CHD5: variants seen among roughly 807,000 people sequenced by gnomAD.
The protein encoded by CHD5 is ATP-dependent chromatin remodeler CHD5.
CHD5 carries 69 observed loss-of-function variants against 230.3 expected under a neutral mutation model. That is an observed-to-expected ratio of 0.30 (90% confidence interval 0.25 to 0.37). The LOEUF is 0.37. CHD5 is among the 10% of genes least tolerant of loss of function. CHD5 has a pLI of 1.00. For synonymous variants in CHD5, 1,064 were observed against 1,065.9 expected, an observed-to-expected ratio of 1.00 and a Z score of 0.03; for missense variants, 1,827 against 2,622.8, an observed-to-expected ratio of 0.70 and a Z score of 6.63.
At chr1:6,163,906 C>T (rs946348618) in intron 2 of CHD5, among the ~76,000 whole-genome samples, 6 of 152,202 alleles carry the variant, frequency 3.9e-5, no homozygotes, top group Admixed American at 1.3e-4. Context: ...CTACAGGGGA[C>T]GCCCTACCAG....
intron 1 of CHD5, among the ~76,000 whole-genome samples, chr1:6,176,874 C>T (rs1411121122): frequency 1.3e-5 from 2 of 152,198 alleles, no homozygotes; most frequent in Non-Finnish European, 2.9e-5. Context: ...TGACCCCTGG[C>T]TTCAACCAGC....
chr1:6,175,138 GA>G (rs1339497099), intron 1 of CHD5, among the ~76,000 whole-genome samples: 1 of 151,286 alleles, frequency 6.6e-6, no homozygotes, highest in African/African-American at 2.4e-5. Flanking sequence ...TAGGTGGATG[GA>G]TGGATGGCAG....
intron 7 of CHD5, among the ~76,000 whole-genome samples, chr1:6,149,691 T>C (rs7554470): frequency 0.088 from 13,155 of 149,426 alleles, 665 homozygotes; most frequent in South Asian, 0.14. Flanking sequence ...AATGGATGGA[T>C]AGATGAATGG....
Position 6,102,111 on chromosome 1 carries a change from T to C in CHD5, c.*3363A>G. 2.9e-6 allele frequency: 1 copy of C among 348,096 alleles called. No homozygotes were observed. 21.6% of individuals were successfully genotyped at this position (348,096 alleles called of 1,614,324 possible). ...GTCTGCTCCCTCCACACCCCTGAACTCAGACCCCACGGGCCAGTGGGGACC... is the reference window on the plus strand; with the variant it reads ...GTCTGCTCCCTCCACACCCCTGAACCCAGACCCCACGGGCCAGTGGGGACC... On this transcript the variant is annotated 3_prime_UTR_variant, in exon 42 of 42. Transcript: ENST00000262450.
In CHD5 at chr1:6,102,445, G is replaced by C. The variant is rs1209001475; in HGVS notation, c.*3029C>G. 4 of 152,682 alleles carry C rather than the reference G, an allele frequency of 2.6e-5. No individual in the cohort carries two copies. Among genetic ancestry groups the C allele is most frequent in the African/African-American group, 7.2e-5 (3 of 41,440 alleles). 9.5% of individuals were successfully genotyped at this position (152,682 alleles called of 1,614,324 possible). On this transcript the variant is annotated 3_prime_UTR_variant, in exon 42 of 42. Coordinates refer to ENST00000262450, the MANE Select transcript of CHD5 (RefSeq NM_015557.3). The stretch of plus-strand genomic sequence containing the variant: ...TCACCAAGACGGTGAGGGCAGAGGG[G>C]CGTGCCAGCCTCGGCCCCCACCCAC...
chr1:6,128,455 C>T lies in CHD5; in HGVS notation c.3730+44G>A, dbSNP rs1487957125. 11 of 1,496,484 alleles carry T rather than the reference C, an allele frequency of 7.4e-6. No homozygotes were observed. In the South Asian group the frequency reaches 1.0e-4, roughly 14 times the overall value. 92.7% of individuals were successfully genotyped at this position (1,496,484 alleles called of 1,614,324 possible). On this transcript the variant is annotated intron_variant, in intron 24 of 41. Coordinates refer to ENST00000262450, the MANE Select transcript of CHD5 (RefSeq NM_015557.3). This position sits in a 1 kb window ranked among gnomAD's most constrained non-coding sequence, Gnocchi z 7.8. ...AACCCCTCCTCTGCAGGAGCAGCCA[C>T]CTGGTCGGAGGAGGAGCTGAGGCTG...
Position 6,110,616 on chromosome 1 carries a change from C to T in CHD5, c.5250-90G>A, listed in dbSNP as rs533121093. 3.0e-6 allele frequency: 4 copies of T among 1,315,828 alleles called. No individual in the cohort carries two copies. The African/African-American group carries it at 4.3e-5, about 14-fold the overall frequency. The allele number at this position is 1,315,828 out of a possible 1,614,324, so 81.5% of individuals were successfully genotyped here. Reference sequence around the variant, plus strand: ...GCTCAGGGAGGGGGAGGGGCCAGCCCGGGGGTCGGCATTCTGGCTGTACGC... The same window carrying T: ...GCTCAGGGAGGGGGAGGGGCCAGCCTGGGGGTCGGCATTCTGGCTGTACGC... On this transcript the variant is annotated intron_variant, in intron 36 of 41. Transcript: ENST00000262450.
chr1:6,152,559 G>A (rs1667022785), intron 5 of CHD5, 23 bp from the exon 6 acceptor site: 1 of 1,612,538 alleles, frequency 6.2e-7, no homozygotes. Context: ...AGTGATGATA[G>A]CCAACCACTG....
chr1:6,108,663 AATGGAAGG>A (rs1475637642), intron 38 of CHD5, among the ~76,000 whole-genome samples: 1 of 103,996 alleles, frequency 9.6e-6, no homozygotes, highest in African/African-American at 3.8e-5. Context: ...ATGGAGGGAT[AATGGAAGG>A]ATGGAAGGAT....
At chr1:6,173,995 C>T (rs115436761) in intron 1 of CHD5, among the ~76,000 whole-genome samples, 2,179 of 152,078 alleles carry the variant, frequency 0.014, 58 homozygotes, top group African/African-American at 0.049. Flanking sequence ...AGGGAAGAGA[C>T]GGGGATAGAT....
rs189441061 is a variant in CHD5, at chr1:6,143,692, G to A, written c.2043+131C>T. The A allele has an allele frequency of 2.8e-5, 22 of 785,720 alleles. No homozygotes were observed. The Admixed American group carries it at 3.8e-4, about 14-fold the overall frequency. 48.7% of individuals were successfully genotyped at this position (785,720 alleles called of 1,614,324 possible). A position where few individuals can be genotyped will look rare whatever the true frequency, so the allele number is the denominator to read the frequency against. ...CAGCTGTCCTAGCCTACATGGGCATGACACTGTCTGCATAAGCCATGAGGG... is the reference window on the plus strand; with the variant it reads ...CAGCTGTCCTAGCCTACATGGGCATAACACTGTCTGCATAAGCCATGAGGG... On this transcript the variant is annotated intron_variant, in intron 13 of 41. Coordinates refer to ENST00000262450, the MANE Select transcript of CHD5 (RefSeq NM_015557.3).
chr1:6,129,133 C>T lies in CHD5; in HGVS notation c.3388-64G>A. On this transcript the variant is annotated intron_variant, in intron 22 of 41. Coordinates refer to ENST00000262450, the MANE Select transcript of CHD5 (RefSeq NM_015557.3). The surrounding 1 kb of genome is among the most constrained non-coding windows in gnomAD (Gnocchi z 6.8). ...GGGCTCCAGGCAATGGAGGAGATCA[C>T]ACCCATGAGCTCAAGAGCATGGAAT... The T allele has an allele frequency of 3.6e-6, 4 of 1,120,424 alleles. No individual in the cohort carries two copies. Among genetic ancestry groups the T allele is most frequent in the Non-Finnish European group, 5.3e-6 (4 of 760,186 alleles). The allele number at this position is 1,120,424 out of a possible 1,614,324, so 69.4% of individuals were successfully genotyped here. A position where few individuals can be genotyped will look rare whatever the true frequency, so the allele number is the denominator to read the frequency against.
chr1:6,175,579 T>C (rs895807781), intron 1 of CHD5, among the ~76,000 whole-genome samples: 10 of 150,036 alleles, frequency 6.7e-5, no homozygotes, highest in African/African-American at 2.5e-4. Context: ...GATGGACAGA[T>C]GAATGAATGG....
At chr1:6,112,789 C>A in intron 34 of CHD5, 120 bp downstream of exon 34, 1 of 701,794 alleles carries the variant, frequency 1.4e-6, no homozygotes, top group Non-Finnish European at 2.4e-6. Context: ...CCTGCCAGCT[C>A]CAATCAGGCC....
chr1:6,134,520 G>A lies in CHD5; in HGVS notation c.3012+198C>T, dbSNP rs3765451. On this transcript the variant is annotated intron_variant, in intron 19 of 41. Coordinates refer to ENST00000262450, the MANE Select transcript of CHD5 (RefSeq NM_015557.3). This position sits in a 1 kb window ranked among gnomAD's most constrained non-coding sequence, Gnocchi z 6.3. ...GCCCTACCACAGCAGCGGGTTCCAC[G>A]GTAAGTTCCCCAGCACCTACCAGAG... Among the ~76,000 whole-genome samples, 26,000 of 152,088 alleles carry A rather than the reference G, an allele frequency of 0.17. 3,152 individuals are homozygous for A. Among genetic ancestry groups the A allele is most frequent in the East Asian group, 0.66 (3,389 of 5,130 alleles).
At chr1:6,132,759 C>T (rs1666677534) in intron 20 of CHD5, among the ~76,000 whole-genome samples, 1 of 152,150 alleles carries the variant, frequency 6.6e-6, no homozygotes, top group Non-Finnish European at 1.5e-5. Flanking sequence ...TCCAATTGTT[C>T]CTATTTCAGT....
intron 2 of CHD5, among the ~76,000 whole-genome samples, chr1:6,160,140 CAGGGAAGGGCCCCAGCA>C (rs1667146919): frequency 2.4e-5 from 2 of 83,212 alleles, no homozygotes; most frequent in South Asian, 5.2e-4. Flanking sequence ...GGGCCCCAGC[CAGGGAAGGGCCCCAGCA>C]AGGGAAGAGC....
intron 1 of CHD5, among the ~76,000 whole-genome samples, chr1:6,173,406 G>A (rs1254089014): frequency 1.3e-5 from 2 of 151,898 alleles, no homozygotes; most frequent in African/African-American, 4.8e-5. Flanking sequence ...GCCCGGCCGA[G>A]AGGGGCTATT....
chr1:6,140,872 T>C (rs1485918158), intron 15 of CHD5, among the ~76,000 whole-genome samples: 1 of 151,854 alleles, frequency 6.6e-6, no homozygotes, highest in Non-Finnish European at 1.5e-5. Context: ...TGGTGGTGTG[T>C]ACCTGTAGTC....
Sources: gnomAD v4.1 joint callset for allele counts (sites outside exome capture counted in the v4.1 genomes callset) on GRCh38, gnomAD v4.1.1 for gene constraint, Gnocchi (gnomAD v3.1) non-coding constraint, MANE v1.5 for transcripts, NCBI Gene and HGNC (gene_info 2026-07-23, HGNC 2026-07-21) for gene names.